The following MTA3 variants were observed in gnomAD, a reference collection of about 807,000 sequenced individuals.
MTA3 encodes the protein metastasis associated 1 family member 3, also known as metastasis-associated protein MTA3.
In MTA3, 34 loss-of-function variants were observed where a neutral mutation model predicts 83.5. The observed-to-expected ratio is 0.41, with a 90% CI of 0.31 to 0.54. MTA3 has a LOEUF of 0.54. MTA3 is among the 20% of genes least tolerant of loss of function. The probability of loss-of-function intolerance (pLI) is 0.33; values close to 1 mark genes in which losing one functional copy is unlikely to be tolerated. For synonymous variants in MTA3, 303 were observed against 252.7 expected (o/e 1.20, Z -1.89); for missense variants, 761 against 726.4 (o/e 1.05, Z -0.55).
At chr2:42,570,728 T>G (rs943425688) in intron 2 of MTA3, among the ~76,000 whole-genome samples, 1 of 151,820 alleles carries the variant, frequency 6.6e-6, no homozygotes, top group Non-Finnish European at 1.5e-5. Flanking sequence ...AGTAAAAATA[T>G]GGCTGGGTGC....
chr2:42,661,511 A>G (rs1689709786), intron 8 of MTA3, among the ~76,000 whole-genome samples: 1 of 139,522 alleles, frequency 7.2e-6, no homozygotes, highest in South Asian at 2.5e-4. Flanking sequence ...TGTCTCAAAA[A>G]AAAAAAAAAA....
intron 6 of MTA3, among the ~76,000 whole-genome samples, chr2:42,653,255 A>C (rs1424269834): frequency 2.6e-5 from 4 of 152,128 alleles, no homozygotes; most frequent in Non-Finnish European, 5.9e-5. Context: ...ATGATACGGC[A>C]CTTGAGCAGA....
At chr2:42,506,644 T>C (rs1674643620) in intron 2 of MTA3, among the ~76,000 whole-genome samples, 1 of 147,420 alleles carries the variant, frequency 6.8e-6, no homozygotes, top group African/African-American at 2.5e-5. Flanking sequence ...TATTTATTTA[T>C]TTATTATTCT....
chr2:42,690,675 A>C (rs1692795842), intron 9 of MTA3, among the ~76,000 whole-genome samples: 1 of 127,146 alleles, frequency 7.9e-6, no homozygotes, highest in South Asian at 2.8e-4. Flanking sequence ...AAATTTTTTA[A>C]TTTAATTTTT....
chr2:42,722,319 A>C (rs1397406061), intron 15 of MTA3, among the ~76,000 whole-genome samples: 1 of 152,204 alleles, frequency 6.6e-6, no homozygotes, highest in African/African-American at 2.4e-5. Context: ...CCTTGGATAA[A>C]GCATTTCATC....
intron 3 of MTA3, among the ~76,000 whole-genome samples, chr2:42,586,019 C>A (rs1680236210): frequency 6.6e-6 from 1 of 151,862 alleles, no homozygotes; most frequent in African/African-American, 2.4e-5. Flanking sequence ...CGCAGTGGCT[C>A]ATGCCTCTAA....
Position 42,745,824 on chromosome 2 carries a change from C to CTTTTT in MTA3, c.1760-7546_1760-7542dup, listed in dbSNP as rs146921280. On this transcript the variant is annotated intron_variant, in intron 16 of 16. Transcript: ENST00000405094. ...TTTTATGTCCTTTTGAAATAGTCCTCTTTTTTTTGAGACAGAGTCTCGCTC... is the reference window on the plus strand; with the variant it reads ...TTTTATGTCCTTTTGAAATAGTCCTCTTTTTTTTTTTTTGAGACAGAGTCTCGCTC... 1.0e-4 allele frequency among the ~76,000 whole-genome samples: 12 copies of CTTTTT among 119,432 alleles called. 1 individual carries two copies. Among genetic ancestry groups the CTTTTT allele is most frequent in the Middle Eastern group, 5.3e-3 (1 of 190 alleles). 78.4% of individuals were successfully genotyped at this position (119,432 alleles called of 152,430 possible).
At chr2:42,597,442 G>A (rs1270924455) in intron 3 of MTA3, among the ~76,000 whole-genome samples, 1 of 148,366 alleles carries the variant, frequency 6.7e-6, no homozygotes, top group East Asian at 2.0e-4. Flanking sequence ...CTGGAGTGCA[G>A]TGGCATGATC....
At chr2:42,640,059 C>G (rs1573429221) in intron 4 of MTA3, 114 bp from the exon 5 acceptor site, 2 of 695,716 alleles carry the variant, frequency 2.9e-6, no homozygotes, top group South Asian at 2.0e-5. Context: ...ATATATATTC[C>G]TAACTGCCAT....
At chr2:42,506,426 C>T (rs1674629280) in intron 2 of MTA3, among the ~76,000 whole-genome samples, 1 of 151,872 alleles carries the variant, frequency 6.6e-6, no homozygotes, top group African/African-American at 2.4e-5. Context: ...TGCACTCCAG[C>T]CTGGGCAACA....
At chr2:42,716,520 C>T (rs187960018) in intron 14 of MTA3, among the ~76,000 whole-genome samples, 55 of 152,238 alleles carry the variant, frequency 3.6e-4, no homozygotes, top group Non-Finnish European at 7.5e-4. Flanking sequence ...TCTGTTGCTC[C>T]CCTCTGTGCA....
chr2:42,528,208 A>G (rs1011304296), intron 2 of MTA3, among the ~76,000 whole-genome samples: 1 of 147,934 alleles, frequency 6.8e-6, no homozygotes, highest in Non-Finnish European at 1.5e-5. Context: ...TACAGATGTG[A>G]GCCACCGTGC....
intron 2 of MTA3, among the ~76,000 whole-genome samples, chr2:42,547,707 C>T (rs897500928): frequency 2.0e-5 from 3 of 152,128 alleles, no homozygotes; most frequent in East Asian, 1.9e-4. Flanking sequence ...TTGTTACAGG[C>T]GCATACTCCT....
chr2:42,539,567 A>T (rs994821029), intron 2 of MTA3, among the ~76,000 whole-genome samples: 21 of 149,740 alleles, frequency 1.4e-4, no homozygotes, highest in Non-Finnish European at 3.0e-4. Context: ...AACCATTATC[A>T]ATTGTAAAGC....
At chr2:42,639,613 T>C (rs1366329418) in intron 4 of MTA3, among the ~76,000 whole-genome samples, 1 of 152,232 alleles carries the variant, frequency 6.6e-6, no homozygotes, top group Admixed American at 6.5e-5. Context: ...CCCCTTGCTC[T>C]ATAGAAGGCT....
intron 14 of MTA3, among the ~76,000 whole-genome samples, chr2:42,717,258 T>G (rs997739982): frequency 2.0e-5 from 3 of 150,942 alleles, no homozygotes; most frequent in African/African-American, 7.3e-5. Flanking sequence ...CCTGTGGGTA[T>G]CAAAGGAAAT....
intron 9 of MTA3, among the ~76,000 whole-genome samples, chr2:42,690,478 CTGAG>C (rs1203188697): frequency 2.6e-5 from 4 of 152,032 alleles, no homozygotes; most frequent in Non-Finnish European, 4.4e-5. Flanking sequence ...CACAGTGTGA[CTGAG>C]TATGTTCTTC....
intron 9 of MTA3, among the ~76,000 whole-genome samples, chr2:42,689,883 A>G (rs1182269253): frequency 7.7e-6 from 1 of 130,534 alleles, no homozygotes; most frequent in Non-Finnish European, 1.6e-5. Flanking sequence ...ACTTTGCTCT[A>G]TTTTCTGTTT....
At chr2:42,536,165 C>T (rs1325653307) in intron 2 of MTA3, among the ~76,000 whole-genome samples, 1 of 150,916 alleles carries the variant, frequency 6.6e-6, no homozygotes, top group African/African-American at 2.4e-5. Context: ...ACGGTCTCCC[C>T]CGGGCCATAT....
Sources: allele counts gnomAD v4.1 joint callset (sites outside exome capture counted in the v4.1 genomes callset), GRCh38; gene constraint gnomAD v4.1.1; transcripts MANE v1.5; gene names NCBI Gene and HGNC (gene_info 2026-07-23, HGNC 2026-07-21).